CUX2: variants seen among roughly 807,000 people sequenced by gnomAD.
CUX2 encodes cut like homeobox 2, also known as homeobox protein cut-like 2.
Under a neutral mutation model 144.8 loss-of-function variants are expected in CUX2, and 40 were observed. The ratio of observed to expected loss-of-function variants is 0.28; its 90% confidence interval spans 0.21 to 0.36. The LOEUF (loss-of-function observed/expected upper bound fraction) is 0.36, where lower values mean the gene tolerates loss of function less well. Among genes scored for constraint, CUX2 ranks in the 10% least tolerant of loss-of-function variants. The pLI is 1.00. For missense variants in CUX2, 1,615 were observed against 1,994.0 expected (o/e 0.81, Z 3.62); for synonymous variants, 827 against 875.6 (o/e 0.94, Z 0.98).
intron 1 of CUX2, among the ~76,000 whole-genome samples, chr12:111,074,216 A>G (rs1871395147): frequency 6.6e-6 from 1 of 151,860 alleles, no homozygotes; most frequent in African/African-American, 2.4e-5. Context: ...CATACAAACC[A>G]TGTTTCCCAG....
At chr12:111,042,301 G>T (rs772307328) in intron 1 of CUX2, among the ~76,000 whole-genome samples, 1 of 152,180 alleles carries the variant, frequency 6.6e-6, no homozygotes, top group African/African-American at 2.4e-5. Flanking sequence ...CACAGGGGCC[G>T]CCAGTCCAGG....
intron 4 of CUX2, among the ~76,000 whole-genome samples, chr12:111,288,684 C>T (rs1885521993): frequency 6.6e-6 from 1 of 151,984 alleles, no homozygotes; most frequent in African/African-American, 2.4e-5. Flanking sequence ...GAAATTTGGC[C>T]GGGCGCAGTA....
rs548561099 is a variant in CUX2 at position 111,091,172 on chromosome 12, A to C, written c.63+56932A>C. ...CTGGACTCACCCAAAAGGTGGCTGA[A>C]GGAGTCAGTGTTCCCACTCCAGCCA... On this transcript the variant is annotated intron_variant, in intron 1 of 21. Transcript: ENST00000261726. Among the ~76,000 whole-genome samples, 230 of 152,342 alleles carry C rather than the reference A, an allele frequency of 1.5e-3. 1 individual carries two copies. Among genetic ancestry groups the C allele is most frequent in the African/African-American group, 5.3e-3 (221 of 41,588 alleles).
chr12:111,071,101 G>A (rs1046277733), intron 1 of CUX2, among the ~76,000 whole-genome samples: 1 of 64,986 alleles, frequency 1.5e-5, no homozygotes, highest in African/African-American at 6.0e-5. Context: ...TTTTTTTTTT[G>A]TGGACATAAG....
intron 4 of CUX2, among the ~76,000 whole-genome samples, chr12:111,275,930 CTGTTT>C (rs1471258455): frequency 1.3e-5 from 2 of 152,160 alleles, no homozygotes; most frequent in Non-Finnish European, 2.9e-5. Context: ...CATCCATTTT[CTGTTT>C]TGTTTTGTTT....
chr12:111,184,908 A>G (rs773033001), intron 1 of CUX2, among the ~76,000 whole-genome samples: 4 of 152,150 alleles, frequency 2.6e-5, no homozygotes, highest in Non-Finnish European at 5.9e-5. Flanking sequence ...CTAAAAATAC[A>G]AAAATTAGCC....
chr12:111,230,013 C>CAA (rs532647802), intron 3 of CUX2, among the ~76,000 whole-genome samples: 235 of 77,968 alleles, frequency 3.0e-3, no homozygotes, highest in African/African-American at 0.01. Context: ...GACCCTGTCT[C>CAA]AAAAAAAAAA....
intron 1 of CUX2, among the ~76,000 whole-genome samples, chr12:111,140,112 C>A (rs750148263): frequency 3.3e-5 from 5 of 152,214 alleles, no homozygotes; most frequent in Non-Finnish European, 5.9e-5. Flanking sequence ...TGGCTCCACT[C>A]CCTGTCCCTC....
chr12:111,055,685 C>G (rs890234034), intron 1 of CUX2, among the ~76,000 whole-genome samples: 1 of 152,214 alleles, frequency 6.6e-6, no homozygotes, highest in African/African-American at 2.4e-5. Context: ...TCCCCCAGCC[C>G]CCGGAGCTTG....
chr12:111,090,746 A>G (rs1354798028), intron 1 of CUX2, among the ~76,000 whole-genome samples: 1 of 152,038 alleles, frequency 6.6e-6, no homozygotes, highest in Non-Finnish European at 1.5e-5. Context: ...TAGAGATACA[A>G]GCTCCATCAT....
In CUX2 at chr12:111,182,481, G is replaced by A. The variant is rs144104663; in HGVS notation, c.64-31719G>A. ...TCTTCTCAGAGCCATTAGCCCCCAC[G>A]TCCTTGACGGTGGAACAGTTGTAAA... On this transcript the variant is annotated intron_variant, in intron 1 of 21. Transcript: ENST00000261726. 3.9e-4 allele frequency among the ~76,000 whole-genome samples: 60 copies of A among 152,338 alleles called. No individual in the cohort carries two copies. In the East Asian group the frequency reaches 8.3e-3, roughly 21 times the overall value.
chr12:111,106,022 G>A (rs1011906767), intron 1 of CUX2, among the ~76,000 whole-genome samples: 70 of 151,906 alleles, frequency 4.6e-4, no homozygotes, highest in African/African-American at 1.6e-3. Flanking sequence ...ATGCCACCAC[G>A]CCTGGCTAAT....
chr12:111,237,661 G>C (rs1309370420), intron 3 of CUX2, among the ~76,000 whole-genome samples: 1 of 152,158 alleles, frequency 6.6e-6, no homozygotes, highest in Non-Finnish European at 1.5e-5. Context: ...GGAACTTCCA[G>C]TGGTACCCAG....
chr12:111,324,431 G>C (rs1887680074), intron 18 of CUX2, among the ~76,000 whole-genome samples: 1 of 151,952 alleles, frequency 6.6e-6, no homozygotes, highest in South Asian at 2.1e-4. Context: ...TGGGCAGGGA[G>C]GGGGCCAGGA....
intron 18 of CUX2, among the ~76,000 whole-genome samples, chr12:111,324,267 A>G (rs1477616874): frequency 2.6e-5 from 4 of 151,006 alleles, no homozygotes; most frequent in Non-Finnish European, 5.9e-5. Flanking sequence ...GGAGAATCAC[A>G]TGACCTGGGA....
At chr12:111,291,644 T>C in intron 5 of CUX2, 92 bp downstream of exon 5, 1 of 1,406,914 alleles carries the variant, frequency 7.1e-7, no homozygotes, top group Non-Finnish European at 9.4e-7. Flanking sequence ...GCGGGGTGGC[T>C]GGGGCAGGGA....
At chr12:111,038,092 C>T (rs188323093) in intron 1 of CUX2, among the ~76,000 whole-genome samples, 203 of 152,242 alleles carry the variant, frequency 1.3e-3, no homozygotes, top group Non-Finnish European at 2.6e-3. Context: ...AATCTCCTGG[C>T]GCAGGAGAGC....
At chr12:111,164,342 G>A (rs1877983039) in intron 1 of CUX2, among the ~76,000 whole-genome samples, 1 of 152,130 alleles carries the variant, frequency 6.6e-6, no homozygotes, top group South Asian at 2.1e-4. Context: ...TTGGGAGGCT[G>A]AGGCGGGTGG....
At chr12:111,300,593 G>A (rs1886242888) in intron 9 of CUX2, among the ~76,000 whole-genome samples, 1 of 152,144 alleles carries the variant, frequency 6.6e-6, no homozygotes, top group South Asian at 2.1e-4. Context: ...CCAGGGGAGG[G>A]CAAACTTTCT....
Sources: allele counts gnomAD v4.1 joint callset (sites outside exome capture counted in the v4.1 genomes callset), GRCh38; gene constraint gnomAD v4.1.1; transcripts MANE v1.5; gene names NCBI Gene and HGNC (gene_info 2026-07-23, HGNC 2026-07-21).